NPAS3: variants seen among roughly 807,000 people sequenced by gnomAD.
NPAS3 encodes neuronal PAS domain protein 3, also known as neuronal PAS domain-containing protein 3.
Under a neutral mutation model 73.1 loss-of-function variants are expected in NPAS3, and 14 were observed. The observed-to-expected ratio is 0.19, with a 90% confidence interval of 0.13 to 0.30. The LOEUF is 0.30. NPAS3 is among the 10% of genes least tolerant of loss of function. The pLI is 1.00. For synonymous variants in NPAS3, 620 were observed against 541.5 expected, an observed-to-expected ratio of 1.14 and a Z score of -2.01; for missense variants, 1,096 against 1,250.0, an observed-to-expected ratio of 0.88 and a Z score of 1.86.
At chr14:33,022,664 CAAAAAAAAAA>C (rs34475386) in intron 1 of NPAS3, among the ~76,000 whole-genome samples, 5 of 97,434 alleles carry the variant, frequency 5.1e-5, no homozygotes, top group African/African-American at 2.0e-4. Context: ...GACTCCGTCC[CAAAAAAAAAA>C]AAAAAAAAAA....
chr14:33,728,649 A>G (rs1279008684), intron 6 of NPAS3, among the ~76,000 whole-genome samples: 1 of 152,218 alleles, frequency 6.6e-6, no homozygotes, highest in Non-Finnish European at 1.5e-5. Context: ...ACACTCTAGT[A>G]TACTAAAAGC....
intron 1 of NPAS3, among the ~76,000 whole-genome samples, chr14:32,995,935 G>A (rs182313155): frequency 9.2e-5 from 14 of 152,306 alleles, no homozygotes; most frequent in Admixed American, 6.5e-4. Flanking sequence ...TGGGTAACAG[G>A]CAGAACAATT....
chr14:33,656,971 A>G (rs923995816), intron 5 of NPAS3, among the ~76,000 whole-genome samples: 1 of 152,186 alleles, frequency 6.6e-6, no homozygotes, highest in Non-Finnish European at 1.5e-5. Context: ...TACGGAATCA[A>G]CCTAAGGGTT....
intron 3 of NPAS3, among the ~76,000 whole-genome samples, chr14:33,360,829 A>G (rs933650446): frequency 6.6e-6 from 1 of 152,086 alleles, no homozygotes; most frequent in African/African-American, 2.4e-5. Flanking sequence ...GATTTCCCTC[A>G]TGTACCCTAC....
intron 1 of NPAS3, among the ~76,000 whole-genome samples, chr14:33,001,828 T>C (rs774212273): frequency 6.6e-6 from 1 of 152,158 alleles, no homozygotes; most frequent in Non-Finnish European, 1.5e-5. Flanking sequence ...TAATCTCTTT[T>C]CCTCCCTTTT....
intron 4 of NPAS3, among the ~76,000 whole-genome samples, chr14:33,541,124 T>TGC (rs2054495103): frequency 1.3e-5 from 2 of 150,980 alleles, no homozygotes; most frequent in South Asian, 4.2e-4. Context: ...TGTGTGTGTG[T>TGC]GTGCATGCAC....
At chr14:33,650,641 C>A (rs1053682043) in intron 5 of NPAS3, among the ~76,000 whole-genome samples, 15 of 152,216 alleles carry the variant, frequency 9.9e-5, no homozygotes, top group African/African-American at 3.6e-4. Flanking sequence ...AAGGACCCTG[C>A]ACTTAGGCTG....
In NPAS3 at chr14:33,800,340, C is replaced by T. The variant is rs138986655; in HGVS notation, c.2033C>T (p.Ser678Phe). 50 of 1,613,044 alleles carry T rather than the reference C, an allele frequency of 3.1e-5. No individual in the cohort carries two copies. Among genetic ancestry groups the T allele is most frequent in the Non-Finnish European group, 3.9e-5 (46 of 1,179,510 alleles). The change falls in exon 12 of 12, where the codon TCC (serine) becomes TTC (phenylalanine). Residue 678 changes from serine (S) to phenylalanine (F), a missense_variant. Around this residue, in one of 5 missense-constraint regions of NPAS3, gnomAD observed 698 missense variants for 676.7 expected, o/e 1.03. Coordinates refer to ENST00000356141, the Ensembl canonical transcript of NPAS3. This position sits in a 1 kb window ranked among gnomAD's most constrained non-coding sequence, Gnocchi z 6.5. ...AACCGGGAGATCTCCAGGAACGAGT[C>T]CCCCTACAGCATGACCAAGCCCCCC...
At chr14:33,318,199 CTG>C (rs1170576419) in intron 3 of NPAS3, among the ~76,000 whole-genome samples, 3 of 152,194 alleles carry the variant, frequency 2.0e-5, no homozygotes, top group African/African-American at 7.2e-5. Flanking sequence ...GCTACAACGT[CTG>C]TGAACTTTGA....
chr14:33,381,033 G>A (rs376480019), intron 4 of NPAS3, among the ~76,000 whole-genome samples: 1 of 151,480 alleles, frequency 6.6e-6, no homozygotes, highest in Non-Finnish European at 1.5e-5. Flanking sequence ...AAGTCTGCAA[G>A]TTCTACATAA....
Position 33,620,478 on chromosome 14 carries a change from G to A in NPAS3, c.559-55733G>A, listed in dbSNP as rs184935293. ...AGAAAGGTGTGTTTCTCTTAGGACAGGAAGATAGAAGTGTATGTGCTGTAT... is the reference window on the plus strand; with the variant it reads ...AGAAAGGTGTGTTTCTCTTAGGACAAGAAGATAGAAGTGTATGTGCTGTAT... On this transcript the variant is annotated intron_variant, in intron 5 of 11. Transcript: ENST00000356141. Among the ~76,000 whole-genome samples the A allele has an allele frequency of 1.3e-3, 201 of 152,216 alleles. 1 individual carries two copies. The Middle Eastern group carries it at 0.02, about 15-fold the overall frequency.
At chr14:33,414,321 C>G (rs1015330150) in intron 4 of NPAS3, among the ~76,000 whole-genome samples, 1 of 152,174 alleles carries the variant, frequency 6.6e-6, no homozygotes, top group Admixed American at 6.5e-5. Context: ...AAGTAGAAAT[C>G]TTTGTCAGTG....
chr14:33,165,469 G>A (rs2045097880), intron 2 of NPAS3, among the ~76,000 whole-genome samples: 1 of 152,038 alleles, frequency 6.6e-6, no homozygotes, highest in Admixed American at 6.6e-5. Flanking sequence ...GCTTAAAGTA[G>A]CCTCAGGGCT....
At chr14:33,748,924 A>G (rs1014975317) in intron 7 of NPAS3, among the ~76,000 whole-genome samples, 2 of 152,182 alleles carry the variant, frequency 1.3e-5, no homozygotes, top group Admixed American at 6.5e-5. Flanking sequence ...ATTCAGAGTC[A>G]CCAAGAACTG....
At chr14:33,575,938 G>T (rs1390995741) in intron 5 of NPAS3, among the ~76,000 whole-genome samples, 1 of 151,980 alleles carries the variant, frequency 6.6e-6, no homozygotes, top group Non-Finnish European at 1.5e-5. Context: ...AGAGAGAGAG[G>T]AAGCTAAGAA....
chr14:33,480,597 C>G (rs561017316), intron 4 of NPAS3, among the ~76,000 whole-genome samples: 10 of 146,722 alleles, frequency 6.8e-5, no homozygotes, highest in African/African-American at 2.5e-4. Context: ...CTTTCTCCCA[C>G]CTGTCCCTGT....
chr14:33,430,134 A>G (rs1216729888), intron 4 of NPAS3, among the ~76,000 whole-genome samples: 2 of 152,186 alleles, frequency 1.3e-5, no homozygotes, highest in African/African-American at 4.8e-5. Context: ...ATTGTAAAAT[A>G]AAAGGTGCTT....
intron 1 of NPAS3, among the ~76,000 whole-genome samples, chr14:32,956,244 GC>G (rs2036665450): frequency 6.6e-6 from 1 of 151,944 alleles, no homozygotes; most frequent in East Asian, 1.9e-4. Flanking sequence ...AGTTGATTAG[GC>G]CAAAATTGAA....
chr14:33,719,041 T>C (rs1356754887), intron 6 of NPAS3, among the ~76,000 whole-genome samples: 1 of 152,114 alleles, frequency 6.6e-6, no homozygotes, highest in African/African-American at 2.4e-5. Flanking sequence ...GGTTGGAGGA[T>C]TGCTTGATCC....
Sources: gnomAD v4.1 joint callset for allele counts (sites outside exome capture counted in the v4.1 genomes callset) on GRCh38, gnomAD v4.1.1 for gene constraint, gnomAD v4.1.1 regional missense constraint, Gnocchi (gnomAD v3.1) non-coding constraint, MANE v1.5 for transcripts, NCBI Gene and HGNC (gene_info 2026-07-23, HGNC 2026-07-21) for gene names.